FOXN4: variants seen among roughly 807,000 people sequenced by gnomAD.
FOXN4 encodes forkhead box protein N4.
In FOXN4, 12 loss-of-function variants were observed where a neutral mutation model predicts 45.0. The ratio of observed to expected loss-of-function variants is 0.27; its 90% CI spans 0.17 to 0.43. FOXN4 has a LOEUF of 0.43. Ranked by LOEUF, FOXN4 falls within the 20% of genes least tolerant of loss-of-function variation. The pLI is 1.00. For synonymous variants in FOXN4, 297 were observed against 295.0 expected, an observed-to-expected ratio of 1.01 and a Z score of -0.07; for missense variants, 560 against 694.9, an observed-to-expected ratio of 0.81 and a Z score of 2.18.
chr12:109,292,096 G>T (rs564948457), intron 2 of FOXN4, among the ~76,000 whole-genome samples: 1 of 152,314 alleles, frequency 6.6e-6, no homozygotes, highest in Non-Finnish European at 1.5e-5. Context: ...GCCACCCGCT[G>T]TTGGGGGTGC....
At chr12:109,303,965 C>A (rs1014964411) in intron 2 of FOXN4, among the ~76,000 whole-genome samples, 2 of 151,550 alleles carry the variant, frequency 1.3e-5, no homozygotes, top group Non-Finnish European at 2.9e-5. Context: ...CTGAGGCAGG[C>A]GGATCACTTA....
intron 8 of FOXN4, among the ~76,000 whole-genome samples, chr12:109,284,552 T>C (rs1018046940): frequency 4.0e-5 from 6 of 151,092 alleles, no homozygotes; most frequent in East Asian, 1.9e-4. Flanking sequence ...CACTTGTGTG[T>C]GCGCACGTGT....
intron 8 of FOXN4, among the ~76,000 whole-genome samples, chr12:109,284,062 G>A (rs998160838): frequency 9.9e-5 from 15 of 152,208 alleles, no homozygotes; most frequent in African/African-American, 3.6e-4. Context: ...AAGTTTAACA[G>A]CTTAAATTCC....
chr12:109,287,378 G>T lies in FOXN4; in HGVS notation c.596+19C>A, dbSNP rs369551476. 2 of 1,551,200 alleles carry T rather than the reference G, an allele frequency of 1.3e-6. No individual in the cohort carries two copies. Among genetic ancestry groups the T allele is most frequent in the Non-Finnish European group, 1.7e-6 (2 of 1,146,772 alleles). ...CCGGAGCCGCCCTTGGCCCTGACCC[G>T]GCCCACCCTGGACCTCACCTGTACG... On this transcript the variant is annotated intron_variant, in intron 6 of 9. Coordinates refer to ENST00000299162, the MANE Select transcript of FOXN4 (RefSeq NM_213596.3). The surrounding 1 kb of genome is among the most constrained non-coding windows in gnomAD (Gnocchi z 4.1).
intron 8 of FOXN4, among the ~76,000 whole-genome samples, chr12:109,282,562 T>C (rs1593766117): frequency 6.6e-6 from 1 of 152,246 alleles, no homozygotes; most frequent in East Asian, 1.9e-4. Flanking sequence ...ATAACAGCCC[T>C]GCAAGAAGGA....
In FOXN4 at chr12:109,279,749, G is replaced by A. The variant is rs1244116538; in HGVS notation, c.1476C>T (p.Asp492=). The A allele has an allele frequency of 1.9e-6, 3 of 1,589,026 alleles. No homozygotes were observed. Among genetic ancestry groups the A allele is most frequent in the Non-Finnish European group, 2.6e-6 (3 of 1,167,902 alleles). Residue 492 remains aspartate, a synonymous_variant, in exon 10 of 10, where the codon GAC becomes GAT. Transcript: ENST00000299162. ...TGLYTAYSTP[D]SVAASGTSSS... The stretch of plus-strand genomic sequence containing the variant: ...AGCTGGTGCCCGATGCAGCCACACT[G>A]TCCGGAGTGGAGTACGCTGTGTAGA...
At position 109,291,460 on chromosome 12, in the gene FOXN4, C is replaced by T. The variant is rs544847497; in HGVS notation, c.87-1174G>A. On this transcript the variant is annotated intron_variant, in intron 2 of 9. Coordinates refer to ENST00000299162, the MANE Select transcript of FOXN4 (RefSeq NM_213596.3). The surrounding 1 kb of genome is among the most constrained non-coding windows in gnomAD (Gnocchi z 6.6). ...TCATAGATTGAGGGGCAGAGAGAGG[C>T]GGGACACCGACCCATCCTGCCCTGG... Among the ~76,000 whole-genome samples, 5 of 152,138 alleles carry T rather than the reference C, an allele frequency of 3.3e-5. No homozygotes were observed. Among genetic ancestry groups the T allele is most frequent in the South Asian group, 2.1e-4 (1 of 4,790 alleles).
At chr12:109,301,101 G>A (rs139138717) in intron 2 of FOXN4, among the ~76,000 whole-genome samples, 18 of 152,236 alleles carry the variant, frequency 1.2e-4, no homozygotes, top group African/African-American at 4.1e-4. Flanking sequence ...TCCTTAATCA[G>A]TTGTGTTGCT....
At position 109,281,766 on chromosome 12, in the gene FOXN4, T is replaced by G; in HGVS notation, c.935A>C (p.Glu312Ala). Reference protein sequence around the residue: ...ELDKLISDRPESCRRPGKPGE... With the variant: ...ELDKLISDRPASCRRPGKPGE... ...CGGTTTGCCGGGGCGCCGGCAGCTT[T>G]CAGGCCGGTCGGAGATCAGCTTGTC... Residue 312 changes from glutamate (E) to alanine (A), a missense_variant, in exon 9 of 10, where the codon GAA becomes GCA. Transcript: ENST00000299162. 6.3e-7 allele frequency: 1 copy of G among 1,597,960 alleles called. No individual in the cohort carries two copies. Among genetic ancestry groups the G allele is most frequent in the East Asian group, 2.2e-5 (1 of 44,704 alleles).
chr12:109,285,552 C>T (rs1344574563), intron 7 of FOXN4, 41 bp from the exon 8 acceptor site: 1 of 1,608,902 alleles, frequency 6.2e-7, no homozygotes. Flanking sequence ...CCCTGTAAGC[C>T]CTTCCCCCTA....
At chr12:109,296,720 T>G (rs939150754) in intron 2 of FOXN4, among the ~76,000 whole-genome samples, 2 of 152,108 alleles carry the variant, frequency 1.3e-5, no homozygotes, top group African/African-American at 4.8e-5. Flanking sequence ...AAACTCCCAG[T>G]GCCCAGCACA....
At chr12:109,297,991 A>G (rs957557009) in intron 2 of FOXN4, among the ~76,000 whole-genome samples, 15 of 152,190 alleles carry the variant, frequency 9.9e-5, no homozygotes, top group Admixed American at 5.9e-4. Context: ...ATCTGAAACA[A>G]TCTTTTCCAT....
chr12:109,288,010 C>A lies in FOXN4; in HGVS notation c.357+46G>T. On this transcript the variant is annotated intron_variant, in intron 4 of 9. Transcript: ENST00000299162. The surrounding 1 kb of genome is among the most constrained non-coding windows in gnomAD (Gnocchi z 4.3). ...GTCACGGTGGGGGTAGACACCCAGT[C>A]TGGAGGGCACTACCCGCCCTCCGCA... 1 of 1,549,672 alleles carries A rather than the reference C, an allele frequency of 6.5e-7. No homozygotes were observed. Among genetic ancestry groups the A allele is most frequent in the Non-Finnish European group, 8.7e-7 (1 of 1,146,782 alleles).
chr12:109,281,892 T>A (rs1012821895), intron 8 of FOXN4, 93 bp from the exon 9 acceptor site: 3 of 1,408,744 alleles, frequency 2.1e-6, no homozygotes, highest in African/African-American at 2.9e-5. Flanking sequence ...TCACCACCTG[T>A]GTGACCTTAG....
In FOXN4 at chr12:109,297,022, T is replaced by G. The variant is rs182211197; in HGVS notation, c.87-6736A>C. Among the ~76,000 whole-genome samples, 77 of 152,316 alleles carry G rather than the reference T, an allele frequency of 5.1e-4. No homozygotes were observed. In the East Asian group the frequency reaches 0.013, roughly 25 times the overall value. On this transcript the variant is annotated intron_variant, in intron 2 of 9. Transcript: ENST00000299162. ...GAGGCCAGAGAGGAACAGGCCTGTC[T>G]AGGGTCACCCAGCCAGGGAGCTGTG...
At chr12:109,304,215 A>AG (rs1180774894) in intron 2 of FOXN4, among the ~76,000 whole-genome samples, 19 of 135,054 alleles carry the variant, frequency 1.4e-4, no homozygotes, top group African/African-American at 4.9e-4. Flanking sequence ...AAGAAAAGAA[A>AG]AGAAAGAGAA....
Position 109,288,203 on chromosome 12 carries a change from C to A in FOXN4, c.233-23G>T. 2 of 1,542,748 alleles carry A rather than the reference C, an allele frequency of 1.3e-6. No individual in the cohort carries two copies. The highest frequency in any genetic ancestry group is 1.2e-5 in the South Asian group (1 of 83,150). On this transcript the variant is annotated intron_variant, in intron 3 of 9. Coordinates refer to ENST00000299162, the MANE Select transcript of FOXN4 (RefSeq NM_213596.3). The surrounding 1 kb of genome is among the most constrained non-coding windows in gnomAD (Gnocchi z 4.3). ...CACCTGCCGGAGAGAAGCACAGAGA[C>A]GCTGCTGGGCTGGAGGAATGGTGGC...
Position 109,290,920 on chromosome 12 carries a change from C to CA in FOXN4, c.87-635dup, listed in dbSNP as rs2047761221. Among the ~76,000 whole-genome samples the CA allele has an allele frequency of 6.6e-6, 1 of 152,208 alleles. No individual in the cohort carries two copies. The highest frequency in any genetic ancestry group is 2.4e-5 in the African/African-American group (1 of 41,452). ...AACAAGCGCTGTCCTGCACAATCCC[C>CA]ACAGCTGCTGTGAGATGTAGGGTGG... On this transcript the variant is annotated intron_variant, in intron 2 of 9. Coordinates refer to ENST00000299162, the MANE Select transcript of FOXN4 (RefSeq NM_213596.3). The surrounding 1 kb of genome is among the most constrained non-coding windows in gnomAD (Gnocchi z 5.1).
chr12:109,285,244 C>CATGT, intron 8 of FOXN4, 60 bp downstream of exon 8: 2 of 1,353,238 alleles, frequency 1.5e-6, no homozygotes, highest in Non-Finnish European at 2.0e-6. Flanking sequence ...CTTCCTCTTC[C>CATGT]GTGTGTGTGT....
Sources: allele counts gnomAD v4.1 joint callset (sites outside exome capture counted in the v4.1 genomes callset), GRCh38; gene constraint gnomAD v4.1.1; non-coding constraint Gnocchi (gnomAD v3.1); transcripts MANE v1.5; gene names NCBI Gene and HGNC (gene_info 2026-07-23, HGNC 2026-07-21).